Variants in FOXJ3 observed in about 807,000 individuals in gnomAD.
The protein encoded by FOXJ3 is forkhead box J3, also known as forkhead box protein J3.
FOXJ3 carries 22 observed loss-of-function variants against 76.1 expected under a neutral mutation model. The observed-to-expected ratio is 0.29, with a 90% CI of 0.21 to 0.41. The LOEUF is 0.41. Among genes scored for constraint, FOXJ3 ranks in the 10% least tolerant of loss-of-function variants. The pLI, the probability that FOXJ3 is intolerant of heterozygous loss-of-function variation, is 1.00. For missense variants in FOXJ3, 613 were observed against 762.1 expected (o/e 0.80, Z 2.30); for synonymous variants, 269 against 261.2 (o/e 1.03, Z -0.29).
chr1:42,263,536 T>A (rs1178855566), intron 4 of FOXJ3, among the ~76,000 whole-genome samples: 3 of 152,186 alleles, frequency 2.0e-5, no homozygotes, highest in African/African-American at 7.2e-5. Flanking sequence ...GGTGCACCAA[T>A]TCCTATTCAG....
chr1:42,187,335 G>T (rs764979360), intron 11 of FOXJ3, among the ~76,000 whole-genome samples: 23 of 152,356 alleles, frequency 1.5e-4, no homozygotes, highest in Non-Finnish European at 2.2e-4. Context: ...TAGCAAAGAA[G>T]TGAACAGCAT....
At chr1:42,293,290 A>AG (rs1352070033) in intron 2 of FOXJ3, among the ~76,000 whole-genome samples, 2 of 151,924 alleles carry the variant, frequency 1.3e-5, no homozygotes. Flanking sequence ...AACAAAAAAA[A>AG]AACTTGTATC....
chr1:42,326,025 C>G (rs763697992), intron 1 of FOXJ3, among the ~76,000 whole-genome samples: 4 of 152,098 alleles, frequency 2.6e-5, no homozygotes, highest in Non-Finnish European at 5.9e-5. Context: ...CTTTGGGAGG[C>G]GGATCACATG....
At chr1:42,216,380 T>C (rs988815829) in intron 5 of FOXJ3, among the ~76,000 whole-genome samples, 1 of 151,588 alleles carries the variant, frequency 6.6e-6, no homozygotes, top group South Asian at 2.1e-4. Flanking sequence ...TAGCCGGGCG[T>C]GGTAGCGGGC....
rs988719572 is a variant in FOXJ3, at chr1:42,311,214, GTTCTACTAAAGAA to G, written c.-17-117_-17-105del. 7.3e-5 allele frequency: 52 copies of G among 709,760 alleles called. No individual in the cohort carries two copies. In the African/African-American group the frequency reaches 9.0e-4, roughly 12 times the overall value. The allele number at this position is 709,760 out of a possible 1,614,324, so 44.0% of individuals were successfully genotyped here. On this transcript the variant is annotated intron_variant, in intron 1 of 12. Transcript: ENST00000361346. ...AACACTCTGAAAACAGAAGTAGAATGTTCTACTAAAGAATTCTACTAAAAGAATCACCCCATCA... is the reference window on the plus strand; with the variant it reads ...AACACTCTGAAAACAGAAGTAGAATGTTCTACTAAAAGAATCACCCCATCA...
In FOXJ3 at chr1:42,187,162, C is replaced by T. The variant is rs531639788; in HGVS notation, c.1645+1575G>A. Among the ~76,000 whole-genome samples the T allele has an allele frequency of 3.2e-3, 484 of 151,524 alleles. 8 individuals are homozygous for T. Among genetic ancestry groups the T allele is most frequent in the Non-Finnish European group, 3.8e-3 (259 of 68,026 alleles). On this transcript the variant is annotated intron_variant, in intron 11 of 12. Transcript: ENST00000361346. ...CATGCCTGGCCGAGACTGCCTTCTT[C>T]TAACACTGACCCACATCATCTTCTA...
chr1:42,189,648 T>C, intron 9 of FOXJ3: 1 of 391,580 alleles, frequency 2.6e-6, no homozygotes, highest in East Asian at 5.5e-5. Flanking sequence ...TTAGCAAGGT[T>C]ATCATGATGA....
chr1:42,259,456 A>C (rs575839858), intron 4 of FOXJ3, among the ~76,000 whole-genome samples: 32 of 152,268 alleles, frequency 2.1e-4, no homozygotes, highest in African/African-American at 7.0e-4. Flanking sequence ...ACAACAACAA[A>C]ATGTTCTCTT....
chr1:42,232,714 A>G (rs543228403), intron 4 of FOXJ3, among the ~76,000 whole-genome samples: 105 of 152,224 alleles, frequency 6.9e-4, no homozygotes, highest in East Asian at 1.9e-3. Context: ...AGATGAGTAG[A>G]TTGCAAAAAT....
chr1:42,286,795 G>A (rs892010593), intron 2 of FOXJ3, among the ~76,000 whole-genome samples: 8 of 151,414 alleles, frequency 5.3e-5, no homozygotes, highest in South Asian at 2.1e-4. Flanking sequence ...CACCACGCCC[G>A]GTTAAATTTT....
chr1:42,284,406 G>A (rs546041976), intron 2 of FOXJ3, among the ~76,000 whole-genome samples: 16 of 152,298 alleles, frequency 1.1e-4, no homozygotes, highest in South Asian at 8.3e-4. Context: ...GCTCTTTCTC[G>A]CCATTTAAAG....
intron 8 of FOXJ3, among the ~76,000 whole-genome samples, chr1:42,194,353 TA>T (rs2124224505): frequency 6.6e-6 from 1 of 152,358 alleles, no homozygotes; most frequent in East Asian, 1.9e-4. Context: ...GTATCTCAAC[TA>T]AAGTCACTTT....
intron 2 of FOXJ3, among the ~76,000 whole-genome samples, chr1:42,296,151 A>T (rs1375224452): frequency 6.6e-6 from 1 of 152,184 alleles, no homozygotes; most frequent in East Asian, 1.9e-4. Context: ...TTCTTCAAGA[A>T]ATGTCTCATG....
chr1:42,200,424 T>C (rs1159241918), intron 6 of FOXJ3, among the ~76,000 whole-genome samples: 1 of 152,210 alleles, frequency 6.6e-6, no homozygotes, highest in Non-Finnish European at 1.5e-5. Flanking sequence ...TGTTTTATCA[T>C]TTATGTATTT....
intron 5 of FOXJ3, among the ~76,000 whole-genome samples, chr1:42,214,745 T>C (rs1400048074): frequency 6.6e-6 from 1 of 152,094 alleles, no homozygotes; most frequent in Non-Finnish European, 1.5e-5. Flanking sequence ...TGTTCTTCCG[T>C]CAGGAGGAAC....
intron 6 of FOXJ3, among the ~76,000 whole-genome samples, chr1:42,199,469 A>C (rs1354043135): frequency 2.0e-5 from 3 of 152,208 alleles, no homozygotes; most frequent in African/African-American, 7.2e-5. Flanking sequence ...TTTATAGCAT[A>C]ATTTACCAGG....
In FOXJ3 at chr1:42,217,794, G is replaced by C. The variant is rs76092747; in HGVS notation, c.528+10089C>G. Among the ~76,000 whole-genome samples, 578 of 152,224 alleles carry C rather than the reference G, an allele frequency of 3.8e-3. 2 individuals carry two copies. The highest frequency in any genetic ancestry group is 0.013 in the African/African-American group (543 of 41,548). ...ATGAAAATGTTAATGTGCCACTGTTGATAATTGCACAGTTGTATAGATCCC... is the reference window on the plus strand; with the variant it reads ...ATGAAAATGTTAATGTGCCACTGTTCATAATTGCACAGTTGTATAGATCCC... On this transcript the variant is annotated intron_variant, in intron 5 of 12. Coordinates refer to ENST00000361346, the MANE Select transcript of FOXJ3 (RefSeq NM_014947.5).
intron 1 of FOXJ3, among the ~76,000 whole-genome samples, chr1:42,324,252 CTATA>C (rs1557726502): frequency 1.4e-5 from 1 of 72,984 alleles, no homozygotes; most frequent in East Asian, 4.2e-4. Context: ...TATATATACA[CTATA>C]TATACACATA....
upstream of FOXJ3, chr1:42,335,386 G>A (rs1327499030): frequency 6.6e-6 from 1 of 152,288 alleles, no homozygotes; most frequent in Non-Finnish European, 1.5e-5. Context: ...GTAGTGCCCT[G>A]AGACTCCCGA....
Sources: allele counts gnomAD v4.1 joint callset (sites outside exome capture counted in the v4.1 genomes callset), GRCh38; gene constraint gnomAD v4.1.1; transcripts MANE v1.5; gene names NCBI Gene and HGNC (gene_info 2026-07-23, HGNC 2026-07-21).